Variants in COL19A1 observed in about 807,000 individuals in gnomAD.
The protein encoded by COL19A1 is collagen type XIX alpha 1 chain.
COL19A1 carries 159 observed loss-of-function variants against 190.2 expected under a neutral mutation model. The observed-to-expected ratio is 0.84, with a 90% confidence interval of 0.73 to 0.95. COL19A1 has a LOEUF of 0.95. COL19A1 is among the 40% of genes least tolerant of loss of function. The probability of loss-of-function intolerance (pLI) is 0.00; values close to 1 mark genes in which losing one functional copy is unlikely to be tolerated. For missense variants in COL19A1, 1,418 were observed against 1,431.9 expected (o/e 0.99, Z 0.16); for synonymous variants, 509 against 458.9 (o/e 1.11, Z -1.39).
intron 2 of COL19A1, among the ~76,000 whole-genome samples, chr6:69,885,332 T>A (rs2502561): frequency 0.46 from 70,667 of 152,020 alleles, 16,814 homozygotes; most frequent in Middle Eastern, 0.56. Flanking sequence ...TAAGCAGTGC[T>A]TCTTTTAAAA....
At chr6:69,932,196 T>C (rs1332037763) in intron 6 of COL19A1, among the ~76,000 whole-genome samples, 1 of 152,066 alleles carries the variant, frequency 6.6e-6, no homozygotes, top group Admixed American at 6.6e-5. Context: ...GCTAAGCAAA[T>C]AGAAGGAATC....
intron 4 of COL19A1, among the ~76,000 whole-genome samples, chr6:69,921,030 TATATCATATATATTCATAGAC>T (rs1163816887): frequency 0.023 from 471 of 20,642 alleles, 2 homozygotes; most frequent in Non-Finnish European, 0.053. Context: ...TATATTCATA[TATATCATATATATTCATAGAC>T]ATATCATATA....
chr6:69,971,824 C>T (rs953526036), intron 11 of COL19A1, among the ~76,000 whole-genome samples: 22 of 152,156 alleles, frequency 1.4e-4, no homozygotes, highest in Admixed American at 2.6e-4. Context: ...GTCACCAAAC[C>T]GTAATCATTA....
chr6:70,051,557 G>A (rs1015593616), intron 14 of COL19A1, among the ~76,000 whole-genome samples: 3 of 152,132 alleles, frequency 2.0e-5, no homozygotes, highest in Non-Finnish European at 4.4e-5. Flanking sequence ...AGGCAAACTT[G>A]CCCTTTGCCA....
intron 9 of COL19A1, among the ~76,000 whole-genome samples, chr6:69,958,235 T>C (rs1044219126): frequency 6.6e-6 from 1 of 152,272 alleles, no homozygotes; most frequent in African/African-American, 2.4e-5. Context: ...CACAACCTTT[T>C]TTCCCAAAAA....
chr6:70,202,588 A>G (rs1767619673), intron 49 of COL19A1, among the ~76,000 whole-genome samples: 1 of 152,206 alleles, frequency 6.6e-6, no homozygotes, highest in African/African-American at 2.4e-5. Flanking sequence ...GGACAAAAGT[A>G]TAAAGGGGTT....
intron 17 of COL19A1, among the ~76,000 whole-genome samples, chr6:70,123,557 C>T (rs1275431218): frequency 7.5e-6 from 1 of 133,886 alleles, no homozygotes; most frequent in Non-Finnish European, 1.6e-5. Context: ...TGGAACCAAC[C>T]CAAATGTCCA....
intron 14 of COL19A1, among the ~76,000 whole-genome samples, chr6:70,037,712 G>T (rs188686896): frequency 6.6e-6 from 1 of 151,934 alleles, no homozygotes; most frequent in Non-Finnish European, 1.5e-5. Flanking sequence ...ATATTATTTC[G>T]CCTGAAATAC....
At chr6:70,081,347 C>A (rs1782240105) in intron 15 of COL19A1, among the ~76,000 whole-genome samples, 2 of 152,026 alleles carry the variant, frequency 1.3e-5, no homozygotes, top group African/African-American at 2.4e-5. Flanking sequence ...ATTTATTTTG[C>A]TTTCTTTCTT....
chr6:69,871,130 C>G (rs554580655), intron 1 of COL19A1, among the ~76,000 whole-genome samples: 2 of 152,266 alleles, frequency 1.3e-5, no homozygotes, highest in Admixed American at 1.3e-4. Flanking sequence ...AATGCTAGAC[C>G]TAGTCGTAAA....
intron 30 of COL19A1, among the ~76,000 whole-genome samples, chr6:70,150,935 A>G (rs1281788616): frequency 6.6e-6 from 1 of 152,158 alleles, no homozygotes; most frequent in African/African-American, 2.4e-5. Flanking sequence ...ACTTAAGCCA[A>G]CTGTAGGTTC....
intron 4 of COL19A1, among the ~76,000 whole-genome samples, chr6:69,903,572 CTGCTTCCCAG>C (rs1204072429): frequency 6.6e-6 from 1 of 152,210 alleles, no homozygotes; most frequent in Non-Finnish European, 1.5e-5. Flanking sequence ...CACTTACTAA[CTGCTTCCCAG>C]TCCGGGGGGT....
intron 7 of COL19A1, among the ~76,000 whole-genome samples, chr6:69,934,882 A>G (rs753872984): frequency 6.6e-6 from 1 of 152,048 alleles, no homozygotes; most frequent in Non-Finnish European, 1.5e-5. Context: ...CTCTACTTCC[A>G]ATACGAATTG....
chr6:70,136,583 A>T (rs901691660), intron 18 of COL19A1, among the ~76,000 whole-genome samples: 16 of 152,216 alleles, frequency 1.1e-4, no homozygotes, highest in Non-Finnish European at 2.9e-5. Context: ...AATATTCAAT[A>T]ATATATTGTT....
At chr6:69,970,614 A>C (rs1204641216) in intron 11 of COL19A1, among the ~76,000 whole-genome samples, 1 of 152,200 alleles carries the variant, frequency 6.6e-6, no homozygotes, top group Non-Finnish European at 1.5e-5. Flanking sequence ...AAATACTGCT[A>C]TTATAAATAT....
chr6:70,083,681 G>A (rs1375039547), intron 15 of COL19A1, among the ~76,000 whole-genome samples: 4 of 152,190 alleles, frequency 2.6e-5, no homozygotes, highest in African/African-American at 9.6e-5. Flanking sequence ...TAATAATTAA[G>A]AGAAATGTGC....
chr6:70,110,245 T>C (rs1044451904), intron 16 of COL19A1, among the ~76,000 whole-genome samples: 2 of 151,964 alleles, frequency 1.3e-5, no homozygotes, highest in African/African-American at 4.8e-5. Context: ...GGGAATCCAA[T>C]TCAAATTCTT....
chr6:70,016,522 T>C (rs1778117330), intron 11 of COL19A1, among the ~76,000 whole-genome samples: 1 of 150,142 alleles, frequency 6.7e-6, no homozygotes, highest in South Asian at 2.1e-4. Context: ...TGAAACTTAT[T>C]GTATGCTGGT....
intron 1 of COL19A1, among the ~76,000 whole-genome samples, chr6:69,872,377 A>G (rs1015152156): frequency 4.6e-5 from 7 of 152,108 alleles, no homozygotes. Flanking sequence ...TATCAATAGA[A>G]TATCTATTGA....
Sources: gnomAD v4.1 joint callset for allele counts (sites outside exome capture counted in the v4.1 genomes callset) on GRCh38, gnomAD v4.1.1 for gene constraint, MANE v1.5 for transcripts, NCBI Gene and HGNC (gene_info 2026-07-23, HGNC 2026-07-21) for gene names.